The following CDH12 variants were observed in gnomAD, a reference collection of about 807,000 sequenced individuals.
CDH12 encodes the protein cadherin 12.
Under a neutral mutation model 74.1 loss-of-function variants are expected in CDH12, and 41 were observed. The ratio of observed to expected loss-of-function variants is 0.55; its 90% confidence interval spans 0.43 to 0.72. The LOEUF (loss-of-function observed/expected upper bound fraction) is 0.72. Among genes scored for constraint, CDH12 ranks in the 30% least tolerant of loss-of-function variants. The probability of loss-of-function intolerance (pLI) is 0.00; values close to 1 mark genes in which losing one functional copy is unlikely to be tolerated. For synonymous variants in CDH12, 399 were observed against 355.0 expected (o/e 1.12, Z -1.39); for missense variants, 945 against 977.2 (o/e 0.97, Z 0.44).
chr5:22,449,267 T>C (rs1744950844), intron 2 of CDH12, among the ~76,000 whole-genome samples: 1 of 151,996 alleles, frequency 6.6e-6, no homozygotes, highest in Admixed American at 6.6e-5. Context: ...ATATACAAGT[T>C]AAAGAAATCT....
At chr5:22,479,610 A>C (rs1177480501) in intron 2 of CDH12, among the ~76,000 whole-genome samples, 2 of 152,186 alleles carry the variant, frequency 1.3e-5, no homozygotes, top group African/African-American at 2.4e-5. Flanking sequence ...GTTACCTAAA[A>C]GTTTATTGGA....
chr5:22,089,128 CAG>C (rs1392788314), intron 4 of CDH12, among the ~76,000 whole-genome samples: 7 of 152,084 alleles, frequency 4.6e-5, no homozygotes, highest in Admixed American at 2.0e-4. Context: ...AGATAGAAAA[CAG>C]AAAAATTCTG....
At chr5:21,858,448 G>A (rs1419098285) in intron 6 of CDH12, among the ~76,000 whole-genome samples, 3 of 151,732 alleles carry the variant, frequency 2.0e-5, no homozygotes, top group African/African-American at 7.3e-5. Flanking sequence ...AAAGTATAAT[G>A]TTTCACTTTT....
intron 3 of CDH12, among the ~76,000 whole-genome samples, chr5:22,225,996 C>T (rs1169197191): frequency 7.8e-6 from 1 of 128,098 alleles, no homozygotes; most frequent in African/African-American, 2.6e-5. Flanking sequence ...ATAACAACAT[C>T]AGACATAGAA....
intron 4 of CDH12, among the ~76,000 whole-genome samples, chr5:22,199,849 T>C (rs1335691003): frequency 1.7e-4 from 26 of 152,218 alleles, no homozygotes; most frequent in Admixed American, 1.7e-3. Context: ...CAAAAAACAT[T>C]TTATTTGGTG....
intron 6 of CDH12, chr5:21,889,455 TA>T: frequency 2.3e-6 from 1 of 428,870 alleles, no homozygotes; most frequent in Non-Finnish European, 3.1e-6. Context: ...CCTGCACCTG[TA>T]AAGAGAGAAA....
At chr5:22,209,098 T>G (rs1751389978) in intron 4 of CDH12, among the ~76,000 whole-genome samples, 1 of 152,166 alleles carries the variant, frequency 6.6e-6, no homozygotes, top group African/African-American at 2.4e-5. Flanking sequence ...CACAATAAAT[T>G]ATCATATTTT....
At chr5:22,811,101 A>T (rs1431012989) in intron 1 of CDH12, among the ~76,000 whole-genome samples, 1 of 151,822 alleles carries the variant, frequency 6.6e-6, no homozygotes, top group Non-Finnish European at 1.5e-5. Flanking sequence ...GTATATGTAC[A>T]TATGTATATA....
chr5:22,172,618 C>T (rs1322895052), intron 4 of CDH12: 4 of 151,714 alleles, frequency 2.6e-5, no homozygotes, highest in African/African-American at 9.7e-5. Context: ...AATTCCATTG[C>T]TTTGTGAATG....
intron 2 of CDH12, among the ~76,000 whole-genome samples, chr5:22,470,002 G>A (rs756728241): frequency 6.6e-6 from 1 of 152,042 alleles, no homozygotes; most frequent in Non-Finnish European, 1.5e-5. Context: ...AAAATATCAA[G>A]AACTCTTAAG....
intron 1 of CDH12, among the ~76,000 whole-genome samples, chr5:22,582,565 C>G (rs1332884084): frequency 6.6e-6 from 1 of 152,142 alleles, no homozygotes; most frequent in African/African-American, 2.4e-5. Flanking sequence ...ACCTGAGAGC[C>G]TCCACTGCCC....
At chr5:21,939,336 A>G (rs569010582) in intron 6 of CDH12, among the ~76,000 whole-genome samples, 24 of 151,936 alleles carry the variant, frequency 1.6e-4, no homozygotes, top group African/African-American at 5.5e-4. Context: ...ACAATATGTA[A>G]TAATTAGACT....
chr5:22,653,828 G>A (rs1315816735), intron 1 of CDH12, among the ~76,000 whole-genome samples: 1 of 152,072 alleles, frequency 6.6e-6, no homozygotes, highest in African/African-American at 2.4e-5. Context: ...TGAAGCTTTT[G>A]GCCCATTTTA....
intron 11 of CDH12, among the ~76,000 whole-genome samples, chr5:21,781,490 G>A (rs886703573): frequency 4.6e-5 from 7 of 152,222 alleles, no homozygotes; most frequent in South Asian, 2.1e-4. Context: ...TTGGGAGGCC[G>A]AGGCAGGTGG....
intron 1 of CDH12, among the ~76,000 whole-genome samples, chr5:22,604,598 ATAAAG>A (rs1016082400): frequency 5.9e-5 from 9 of 152,234 alleles, no homozygotes; most frequent in African/African-American, 2.2e-4. Context: ...AATGTATAAA[ATAAAG>A]TATTCAGTGA....
intron 1 of CDH12, among the ~76,000 whole-genome samples, chr5:22,728,474 G>A (rs1162886072): frequency 6.6e-6 from 1 of 151,604 alleles, no homozygotes; most frequent in African/African-American, 2.4e-5. Flanking sequence ...ATTTCGTGCT[G>A]GATATTTCAT....
At chr5:21,873,233 C>T (rs944473867) in intron 6 of CDH12, among the ~76,000 whole-genome samples, 1 of 152,126 alleles carries the variant, frequency 6.6e-6, no homozygotes, top group African/African-American at 2.4e-5. Context: ...CCTCCATGTA[C>T]ATTAGATGTT....
chr5:21,784,351 AT>A lies in CDH12; in HGVS notation c.1257-858del, dbSNP rs1195975293. ...TAAATATGACAATTTGATAGACGTT[AT>A]TCTCAATGCTTACACATTGAGAATA... On this transcript the variant is annotated intron_variant, in intron 10 of 14. Coordinates refer to ENST00000382254, the MANE Select transcript of CDH12 (RefSeq NM_004061.5). Among the ~76,000 whole-genome samples the A allele has an allele frequency of 3.9e-5, 6 of 152,170 alleles. No individual in the cohort carries two copies. In the South Asian group the frequency reaches 8.3e-4, roughly 21 times the overall value.
At chr5:22,590,679 C>A (rs1002300561) in intron 1 of CDH12, among the ~76,000 whole-genome samples, 1 of 152,146 alleles carries the variant, frequency 6.6e-6, no homozygotes, top group Non-Finnish European at 1.5e-5. Flanking sequence ...TTACTGTTGT[C>A]TTATTCTAAA....
Sources: gnomAD v4.1 joint callset for allele counts (sites outside exome capture counted in the v4.1 genomes callset) on GRCh38, gnomAD v4.1.1 for gene constraint, MANE v1.5 for transcripts, NCBI Gene and HGNC (gene_info 2026-07-23, HGNC 2026-07-21) for gene names.